Variants in NSUN6 observed in about 807,000 individuals in gnomAD.
NSUN6 encodes tRNA (cytosine(72)-C(5))-methyltransferase NSUN6.
A neutral mutation model predicts 58.0 loss-of-function variants in NSUN6; 64 were observed. That is an observed-to-expected ratio of 1.10 (90% confidence interval 0.90 to 1.36). The LOEUF (loss-of-function observed/expected upper bound fraction) is 1.36. NSUN6 is among the 40% of genes most tolerant of loss of function. The pLI is 0.00. For synonymous variants in NSUN6, 231 were observed against 193.9 expected (o/e 1.19, Z -1.59); for missense variants, 701 against 550.1 (o/e 1.27, Z -2.74).
intron 3 of NSUN6, among the ~76,000 whole-genome samples, chr10:18,639,628 T>C (rs2059332708): frequency 6.6e-6 from 1 of 151,754 alleles, no homozygotes; most frequent in Admixed American, 6.6e-5. Context: ...CAGGCTTCCC[T>C]GCAATAGCTC....
intron 8 of NSUN6, among the ~76,000 whole-genome samples, chr10:18,563,431 G>A (rs926019159): frequency 1.3e-5 from 2 of 151,236 alleles, no homozygotes; most frequent in Admixed American, 1.3e-4. Flanking sequence ...AGAATGGCAG[G>A]AATGGAATGG....
rs989394270 is a variant in NSUN6 at position 18,620,249 on chromosome 10, G to A, written c.312-3956C>T. ...ACTACAGGCACCCGCCACCATACCC[G>A]GCTAATTTTTTGTGTTTTTAGTAGA... On this transcript the variant is annotated intron_variant, in intron 3 of 10. Transcript: ENST00000377304. 6.2e-4 allele frequency among the ~76,000 whole-genome samples: 94 copies of A among 151,978 alleles called. 1 individual carries two copies. Among genetic ancestry groups the A allele is most frequent in the Admixed American group, 5.2e-3 (79 of 15,248 alleles).
chr10:18,624,753 G>A (rs527613793), intron 3 of NSUN6, among the ~76,000 whole-genome samples: 4 of 151,492 alleles, frequency 2.6e-5, no homozygotes, highest in African/African-American at 4.8e-5. Flanking sequence ...TTGAGACTGC[G>A]GTTCTTAGAA....
Position 18,576,936 on chromosome 10 carries a change from C to T in NSUN6, c.922+9013G>A, listed in dbSNP as rs192360960. On this transcript the variant is annotated intron_variant, in intron 8 of 10. Transcript: ENST00000377304. ...AAGCAAGAGAAGCCCCTTATGGGTC[C>T]TTCAACTCTCATGTCTATTTAGACG... Among the ~76,000 whole-genome samples, 18 of 152,208 alleles carry T rather than the reference C, an allele frequency of 1.2e-4. No homozygotes were observed. In the East Asian group the frequency reaches 3.5e-3, roughly 29 times the overall value.
At chr10:18,603,002 TC>T (rs1309698773) in intron 6 of NSUN6, among the ~76,000 whole-genome samples, 1 of 152,112 alleles carries the variant, frequency 6.6e-6, no homozygotes, top group Non-Finnish European at 1.5e-5. Flanking sequence ...CTTTTAAAAT[TC>T]AGAATTAGGT....
intron 8 of NSUN6, 99 bp from the exon 9 acceptor site, chr10:18,552,070 A>C (rs566302316): frequency 2.8e-6 from 2 of 722,260 alleles, no homozygotes; most frequent in Non-Finnish European, 4.5e-6. Flanking sequence ...ATCTAGAATA[A>C]AAAAATGAAA....
intron 9 of NSUN6, among the ~76,000 whole-genome samples, chr10:18,550,312 A>C (rs954883764): frequency 3.3e-5 from 5 of 152,196 alleles, no homozygotes; most frequent in African/African-American, 1.2e-4. Flanking sequence ...TTCTTCGAAG[A>C]CTTCATAGAA....
chr10:18,590,974 C>T (rs2131161752), intron 7 of NSUN6, among the ~76,000 whole-genome samples: 1 of 152,098 alleles, frequency 6.6e-6, no homozygotes, highest in Non-Finnish European at 1.5e-5. Flanking sequence ...AAAAGATTAA[C>T]AAAACAGACC....
At chr10:18,599,934 G>C (rs544855678) in intron 6 of NSUN6, among the ~76,000 whole-genome samples, 2 of 149,220 alleles carry the variant, frequency 1.3e-5, no homozygotes, top group African/African-American at 4.8e-5. Context: ...TTGTGTTTAA[G>C]CAATTTAAAA....
At chr10:18,618,551 G>A (rs570532644) in intron 3 of NSUN6, among the ~76,000 whole-genome samples, 6 of 151,906 alleles carry the variant, frequency 3.9e-5, no homozygotes, top group African/African-American at 1.2e-4. Flanking sequence ...GCATGGTGGC[G>A]CATGCCTGTA....
At chr10:18,649,240 C>A (rs572986357) in intron 1 of NSUN6, among the ~76,000 whole-genome samples, 1 of 152,044 alleles carries the variant, frequency 6.6e-6, no homozygotes, top group Non-Finnish European at 1.5e-5. Flanking sequence ...TCAAATATGA[C>A]GGTATAAAGA....
intron 8 of NSUN6, among the ~76,000 whole-genome samples, chr10:18,557,178 A>C (rs780589656): frequency 9.2e-5 from 14 of 151,528 alleles, no homozygotes; most frequent in Non-Finnish European, 1.9e-4. Flanking sequence ...AATGGAATGG[A>C]AAATGGTGTG....
intron 8 of NSUN6, among the ~76,000 whole-genome samples, chr10:18,577,311 C>T (rs2056699286): frequency 6.6e-6 from 1 of 152,206 alleles, no homozygotes; most frequent in Non-Finnish European, 1.5e-5. Flanking sequence ...TCTGACTGCT[C>T]TGTCTAATGA....
At chr10:18,568,790 TCATTCCATTCCA>T (rs1417160355) in intron 8 of NSUN6, among the ~76,000 whole-genome samples, 3 of 150,014 alleles carry the variant, frequency 2.0e-5, no homozygotes, top group Non-Finnish European at 3.0e-5. Context: ...CTAACATTCT[TCATTCCATTCCA>T]CATTCCATTC....
intron 7 of NSUN6, among the ~76,000 whole-genome samples, chr10:18,592,619 G>A (rs1356966829): frequency 1.3e-5 from 2 of 152,176 alleles, no homozygotes; most frequent in Non-Finnish European, 2.9e-5. Flanking sequence ...AATGGTGAAA[G>A]GATCCCCTAT....
chr10:18,583,605 T>G (rs1235213967), intron 8 of NSUN6, among the ~76,000 whole-genome samples: 2 of 152,030 alleles, frequency 1.3e-5, no homozygotes, highest in African/African-American at 4.8e-5. Flanking sequence ...TTCAAAGAAT[T>G]AAAAGAAAGG....
In NSUN6 at chr10:18,558,356, A is replaced by C. The variant is rs577705912; in HGVS notation, c.923-6385T>G. Among the ~76,000 whole-genome samples, 420 of 150,878 alleles carry C rather than the reference A, an allele frequency of 2.8e-3. 1 individual carries two copies. The highest frequency in any genetic ancestry group is 9.1e-3 in the African/African-American group (374 of 41,284). Reference sequence around the variant, plus strand: ...TGGAATGAGGAATGGGATGGAATGGAGAATGGAATGGAGTGGAGAATGGAA... The same window carrying C: ...TGGAATGAGGAATGGGATGGAATGGCGAATGGAATGGAGTGGAGAATGGAA... On this transcript the variant is annotated intron_variant, in intron 8 of 10. Transcript: ENST00000377304.
At chr10:18,590,760 T>A (rs975471433) in intron 7 of NSUN6, among the ~76,000 whole-genome samples, 31 of 152,196 alleles carry the variant, frequency 2.0e-4, no homozygotes, top group African/African-American at 7.2e-4. Flanking sequence ...TAATGCAGTG[T>A]TAAGAGGGAA....
At chr10:18,605,850 C>T (rs902222047) in intron 6 of NSUN6, among the ~76,000 whole-genome samples, 1 of 152,148 alleles carries the variant, frequency 6.6e-6, no homozygotes, top group African/African-American at 2.4e-5. Flanking sequence ...TAAAAAAATA[C>T]ATTCAGTCTA....
Sources: allele counts gnomAD v4.1 joint callset (sites outside exome capture counted in the v4.1 genomes callset), GRCh38; gene constraint gnomAD v4.1.1; transcripts MANE v1.5; gene names NCBI Gene and HGNC (gene_info 2026-07-23, HGNC 2026-07-21).